TIAM2: variants seen among roughly 807,000 people sequenced by gnomAD.
TIAM2 encodes TIAM Rac1 associated GEF 2.
A neutral mutation model predicts 152.9 loss-of-function variants in TIAM2; 80 were observed. The observed-to-expected ratio is 0.52, with a 90% CI of 0.44 to 0.63. The LOEUF is 0.63. Among genes scored for constraint, TIAM2 ranks in the 30% least tolerant of loss-of-function variants. TIAM2 has a pLI of 0.00. For synonymous variants in TIAM2, 804 were observed against 838.0 expected (o/e 0.96, Z 0.70); for missense variants, 1,965 against 2,120.1 (o/e 0.93, Z 1.44).
chr6:155,054,672 C>G (rs538077333), intron 1 of TIAM2, among the ~76,000 whole-genome samples: 2 of 152,184 alleles, frequency 1.3e-5, no homozygotes, highest in South Asian at 4.2e-4. Context: ...CCTCCCGCCC[C>G]CTGGGTTCAA....
chr6:155,069,567 A>C (rs1439371685), intron 1 of TIAM2, among the ~76,000 whole-genome samples: 1 of 152,174 alleles, frequency 6.6e-6, no homozygotes, highest in East Asian at 1.9e-4. Flanking sequence ...TATCTGTTTG[A>C]AGGTGGGCAC....
intron 26 of TIAM2, 127 bp downstream of exon 26, chr6:155,254,700 T>A: frequency 8.2e-7 from 1 of 1,226,128 alleles, no homozygotes; most frequent in South Asian, 1.6e-5. Flanking sequence ...TATCTCCTTT[T>A]AAGAAACCTA....
chr6:155,100,942 C>T (rs951161917), intron 2 of TIAM2, among the ~76,000 whole-genome samples: 2 of 152,116 alleles, frequency 1.3e-5, no homozygotes, highest in African/African-American at 4.8e-5. Context: ...TTGTGGGCCC[C>T]GAGTTGTTTT....
At chr6:155,085,890 AT>A (rs1778162389) in intron 1 of TIAM2, among the ~76,000 whole-genome samples, 1 of 152,192 alleles carries the variant, frequency 6.6e-6, no homozygotes, top group African/African-American at 2.4e-5. Context: ...AAAGCATAGC[AT>A]TGCTTGAGTT....
intron 18 of TIAM2, 103 bp downstream of exon 18, chr6:155,244,886 ATTGACTAT>A: frequency 7.4e-7 from 1 of 1,355,108 alleles, no homozygotes; most frequent in Admixed American, 2.3e-5. Context: ...TCCTGTGACT[ATTGACTAT>A]TTATTGTCCT....
At chr6:155,011,568 A>AGAG (rs34044181) in intron 1 of TIAM2, among the ~76,000 whole-genome samples, 23,400 of 152,178 alleles carry the variant, frequency 0.15, 1,820 homozygotes, top group Middle Eastern at 0.19. Flanking sequence ...TTTTCTCCTC[A>AGAG]GAGTGTCTGA....
chr6:155,022,726 C>T (rs959917565), intron 1 of TIAM2, among the ~76,000 whole-genome samples: 1 of 152,174 alleles, frequency 6.6e-6, no homozygotes, highest in Non-Finnish European at 1.5e-5. Context: ...CCTGTGGCCA[C>T]CTTGCAGAAG....
chr6:155,125,529 T>C (rs1432211095), intron 2 of TIAM2, among the ~76,000 whole-genome samples: 1 of 152,066 alleles, frequency 6.6e-6, no homozygotes, highest in African/African-American at 2.4e-5. Context: ...GAAAACAGTA[T>C]GGCGGTTCTG....
chr6:155,208,933 G>A (rs1362647832), intron 14 of TIAM2, among the ~76,000 whole-genome samples: 1 of 151,966 alleles, frequency 6.6e-6, no homozygotes, highest in Admixed American at 6.6e-5. Context: ...CCTAGCATTG[G>A]CCTTTACTCA....
At chr6:155,131,164 A>G (rs1779436861) in intron 4 of TIAM2, among the ~76,000 whole-genome samples, 1 of 152,216 alleles carries the variant, frequency 6.6e-6, no homozygotes, top group Non-Finnish European at 1.5e-5. Flanking sequence ...GTTTGAGACC[A>G]GCCTGGCCAA....
At chr6:155,053,872 T>G (rs1240666871) in intron 1 of TIAM2, among the ~76,000 whole-genome samples, 6 of 152,210 alleles carry the variant, frequency 3.9e-5, no homozygotes, top group African/African-American at 1.4e-4. Flanking sequence ...ACACTTTTTA[T>G]AGTCAGCATT....
chr6:155,211,711 G>A (rs994425540), intron 15 of TIAM2, among the ~76,000 whole-genome samples: 1 of 151,080 alleles, frequency 6.6e-6, no homozygotes, highest in Non-Finnish European at 1.5e-5. Flanking sequence ...CATTTTGTGT[G>A]ATAAAACGTA....
Position 155,129,851 on chromosome 6 carries a change from C to G in TIAM2, c.628C>G (p.Pro210Ala). ...ACCTACCTTAGCATCGGAAACCTCC[C>G]CTGTGCCTGAAGCCAGGAGGGGGTC... ...YSPTLASETS[P>A]VPEARRGSSA... The change falls in exon 4 of 27, where the codon CCT (proline) becomes GCT (alanine). Residue 210 changes from proline (P) to alanine (A), a missense_variant. Pro to Ala is a conservative substitution (Grantham distance 27, BLOSUM62 -1). This residue lies in a region of TIAM2 where 1,025 missense variants were observed against 1,119.4 expected (regional missense o/e 0.92). Coordinates refer to ENST00000682666, the MANE Select transcript of TIAM2 (RefSeq NM_012454.4). This position sits in a 1 kb window ranked among gnomAD's most constrained non-coding sequence, Gnocchi z 4.8. The G allele has an allele frequency of 6.2e-7, 1 of 1,613,718 alleles. No homozygotes were observed. Among genetic ancestry groups the G allele is most frequent in the Non-Finnish European group, 8.5e-7 (1 of 1,180,030 alleles).
intron 2 of TIAM2, among the ~76,000 whole-genome samples, chr6:155,096,011 T>C (rs991186006): frequency 2.0e-5 from 3 of 152,208 alleles, no homozygotes; most frequent in African/African-American, 7.2e-5. Flanking sequence ...ACTCATTGTG[T>C]AGGTTTCTTT....
intron 5 of TIAM2, among the ~76,000 whole-genome samples, chr6:155,139,964 C>CAAA (rs1196086179): frequency 5.9e-5 from 9 of 151,808 alleles, no homozygotes; most frequent in Non-Finnish European, 1.2e-4. Context: ...AACAAACAAA[C>CAAA]CAAAACAAGT....
chr6:155,072,048 G>T (rs541628168), intron 1 of TIAM2, among the ~76,000 whole-genome samples: 11 of 152,292 alleles, frequency 7.2e-5, no homozygotes, highest in Admixed American at 7.2e-4. Flanking sequence ...TGTCAGCTAG[G>T]ACCAAAGGCA....
chr6:155,134,390 T>TCCCCCCCCCCC (rs1356576694), intron 4 of TIAM2, among the ~76,000 whole-genome samples: 1 of 80,272 alleles, frequency 1.2e-5, no homozygotes, highest in African/African-American at 4.2e-5. Flanking sequence ...CTAAAATGCA[T>TCCCCCCCCCCC]CCCCCCACCC....
intron 15 of TIAM2, among the ~76,000 whole-genome samples, chr6:155,220,043 T>C (rs1781989872): frequency 6.6e-6 from 1 of 152,194 alleles, no homozygotes; most frequent in Non-Finnish European, 1.5e-5. Context: ...TTCTCGCCAT[T>C]TCTTGCAACT....
intron 1 of TIAM2, among the ~76,000 whole-genome samples, chr6:155,006,744 A>G (rs1778409564): frequency 1.3e-5 from 2 of 149,552 alleles, no homozygotes; most frequent in African/African-American, 4.9e-5. Flanking sequence ...GCTGGAGTGC[A>G]GTGGCGTGAT....
Sources: allele counts gnomAD v4.1 joint callset (sites outside exome capture counted in the v4.1 genomes callset), GRCh38; gene constraint gnomAD v4.1.1; regional missense constraint gnomAD v4.1.1; non-coding constraint Gnocchi (gnomAD v3.1); transcripts MANE v1.5; gene names NCBI Gene and HGNC (gene_info 2026-07-23, HGNC 2026-07-21).